GPR160: variants seen among roughly 807,000 people sequenced by gnomAD.
The protein encoded by GPR160 is probable G protein-coupled receptor 160.
GPR160 carries 2 observed loss-of-function variants against 2.6 expected under a neutral mutation model. The ratio of observed to expected loss-of-function variants is 0.77; its 90% confidence interval spans 0.32 to 2.44. GPR160 has a LOEUF of 2.44. Among genes scored for constraint, GPR160 ranks in the 30% most tolerant of loss-of-function variants. GPR160 has a pLI of 0.11. For synonymous variants in GPR160, 130 were observed against 132.2 expected (o/e 0.98, Z 0.12); for missense variants, 351 against 383.6 (o/e 0.91, Z 0.71).
intron 2 of GPR160, among the ~76,000 whole-genome samples, chr3:170,045,212 G>A (rs1006645398): frequency 7.2e-5 from 11 of 151,874 alleles, no homozygotes; most frequent in African/African-American, 2.7e-4. Context: ...CTAGGTGTGT[G>A]TGTAAACGGA....
intron 3 of GPR160, among the ~76,000 whole-genome samples, chr3:170,081,909 GT>G (rs1212177574): frequency 4.6e-5 from 7 of 152,086 alleles, no homozygotes; most frequent in Non-Finnish European, 8.8e-5. Context: ...ATGATCTCTT[GT>G]TTTACGCTGC....
chr3:170,055,899 G>A (rs1468892291), intron 2 of GPR160, among the ~76,000 whole-genome samples: 1 of 152,236 alleles, frequency 6.6e-6, no homozygotes, highest in Non-Finnish European at 1.5e-5. Context: ...CTCCCAAAGT[G>A]CTGGGATTAC....
chr3:170,067,766 G>T (rs1418331885), intron 2 of GPR160, among the ~76,000 whole-genome samples: 2 of 151,922 alleles, frequency 1.3e-5, no homozygotes, highest in African/African-American at 2.4e-5. Context: ...AAAAAAAAAA[G>T]TTATCTGGGA....
At chr3:170,050,249 T>TG (rs1439034503) in intron 2 of GPR160, among the ~76,000 whole-genome samples, 5 of 150,856 alleles carry the variant, frequency 3.3e-5, no homozygotes, top group African/African-American at 1.2e-4. Flanking sequence ...TCTTTTTTTT[T>TG]TTGTTGTTGT....
intron 2 of GPR160, among the ~76,000 whole-genome samples, chr3:170,066,280 A>G (rs1488803195): frequency 2.0e-5 from 3 of 151,260 alleles, no homozygotes; most frequent in Admixed American, 2.0e-4. Context: ...AGCTGGGACT[A>G]CAGGCGCCCA....
At chr3:170,057,020 T>A (rs1711675799) in intron 2 of GPR160, among the ~76,000 whole-genome samples, 1 of 152,198 alleles carries the variant, frequency 6.6e-6, no homozygotes, top group South Asian at 2.1e-4. Flanking sequence ...GAGTGCATAC[T>A]ATGTAAAGAG....
intron 2 of GPR160, among the ~76,000 whole-genome samples, chr3:170,073,955 C>G (rs1319763411): frequency 7.6e-6 from 1 of 131,194 alleles, no homozygotes; most frequent in African/African-American, 2.9e-5. Flanking sequence ...GTGGCACAAT[C>G]TCGGCTCACT....
intron 2 of GPR160, chr3:170,062,753 A>T: frequency 1.0e-6 from 1 of 993,624 alleles, no homozygotes; most frequent in Non-Finnish European, 1.6e-6. Flanking sequence ...ACCCTGTCCC[A>T]AGGAGCTCCA....
At chr3:170,039,559 T>C (rs1016181639) in intron 2 of GPR160, among the ~76,000 whole-genome samples, 3 of 152,056 alleles carry the variant, frequency 2.0e-5, no homozygotes, top group Non-Finnish European at 2.9e-5. Context: ...AATACAAAAA[T>C]TAGCTGGGTG....
At position 170,085,253 on chromosome 3, in the gene GPR160, A is replaced by T. The variant is rs181311970; in HGVS notation, c.*264A>T. The T allele has an allele frequency of 8.5e-3, 2,026 of 239,312 alleles. 42 individuals are homozygous for T. Among genetic ancestry groups the T allele is most frequent in the African/African-American group, 0.042 (1,884 of 44,368 alleles). 14.8% of individuals were successfully genotyped at this position (239,312 alleles called of 1,614,324 possible). A position where few individuals can be genotyped will look rare whatever the true frequency, so the allele number is the denominator to read the frequency against. ...TTTGTTATTAACACAAAAAGTGATA[A>T]GAGTTAACATTTGGCTATACTGATG... is the stretch of plus-strand genomic sequence containing the variant. On this transcript the variant is annotated 3_prime_UTR_variant, in exon 4 of 4. Transcript: ENST00000355897.
In GPR160 at chr3:170,065,833, A is replaced by C. The variant is rs374015101; in HGVS notation, c.-192-13941A>C. Among the ~76,000 whole-genome samples, 28 of 152,318 alleles carry C rather than the reference A, an allele frequency of 1.8e-4. No individual in the cohort carries two copies. In the South Asian group the frequency reaches 5.8e-3, roughly 32 times the overall value. On this transcript the variant is annotated intron_variant, in intron 2 of 3. Transcript: ENST00000355897. ...TACTTAATACAGTCACATGTTTAGCAGAATGTTCATAGTAGGAAAAAAAAT... is the reference window on the plus strand; with the variant it reads ...TACTTAATACAGTCACATGTTTAGCCGAATGTTCATAGTAGGAAAAAAAAT...
At position 170,051,429 on chromosome 3, in the gene GPR160, A is replaced by G. The variant is rs1716953248; in HGVS notation, c.-193+12386A>G. Among the ~76,000 whole-genome samples, 3 of 152,144 alleles carry G rather than the reference A, an allele frequency of 2.0e-5. 1 individual carries two copies. The highest frequency in any genetic ancestry group is 1.3e-4 in the Admixed American group (2 of 15,278). ...ATATCTGGATGCAAATTCTTTATCA[A>G]ATATATGGTTTGGGGCTGGGTGCAG... is the stretch of plus-strand genomic sequence containing the variant. On this transcript the variant is annotated intron_variant, in intron 2 of 3. Coordinates refer to ENST00000355897, the MANE Select transcript of GPR160 (RefSeq NM_014373.3).
At chr3:170,064,514 C>CTTTTTTTTTTTTTTTTTT (rs1175382810) in intron 2 of GPR160, among the ~76,000 whole-genome samples, 1 of 81,038 alleles carries the variant, frequency 1.2e-5, no homozygotes, top group Non-Finnish European at 2.5e-5. Context: ...CTTTTCTTTT[C>CTTTTTTTTTTTTTTTTTT]TTTTTTTTTT....
Position 170,084,446 on chromosome 3 carries a change from A to G in GPR160, c.474A>G (p.Pro158=), listed in dbSNP as rs1713310258. 1 of 1,612,572 alleles carries G rather than the reference A, an allele frequency of 6.2e-7. No individual in the cohort carries two copies. ...TCCTTGCTTATGTTTTGGGAGACCCAGCCATCTACCAAAGCCTGAAGGCAC... is the reference window on the plus strand; with the variant it reads ...TCCTTGCTTATGTTTTGGGAGACCCGGCCATCTACCAAAGCCTGAAGGCAC... ...ISVLAYVLGD[P]AIYQSLKAQN... is the part of the protein sequence containing the mutation. The change falls in exon 4 of 4, where the codon CCA becomes CCG. Residue 158 remains proline, a synonymous_variant. Coordinates refer to ENST00000355897, the MANE Select transcript of GPR160 (RefSeq NM_014373.3).
At chr3:170,077,437 G>A (rs1712911072) in intron 2 of GPR160, 1 of 152,172 alleles carries the variant, frequency 6.6e-6, no homozygotes, top group African/African-American at 2.4e-5. Flanking sequence ...AGAGTGGTGG[G>A]AGAAACTGTT....
At chr3:170,080,295 T>A (rs928039254) in intron 3 of GPR160, among the ~76,000 whole-genome samples, 1 of 152,188 alleles carries the variant, frequency 6.6e-6, no homozygotes. Context: ...TACATAAAAT[T>A]GGTGTCGTCT....
At chr3:170,062,928 G>A (rs756659687) in intron 2 of GPR160, 6 of 336,604 alleles carry the variant, frequency 1.8e-5, no homozygotes, top group East Asian at 1.5e-4. Flanking sequence ...GAAAAGCACC[G>A]GAGCCTCACG....
At chr3:170,073,840 G>T (rs1712717608) in intron 2 of GPR160, among the ~76,000 whole-genome samples, 1 of 144,584 alleles carries the variant, frequency 6.9e-6, no homozygotes, top group South Asian at 2.2e-4. Context: ...TATTTTCTTT[G>T]TGGGTAGGTT....
At chr3:170,068,701 CTCT>C (rs1712457763) in intron 2 of GPR160, among the ~76,000 whole-genome samples, 4 of 152,078 alleles carry the variant, frequency 2.6e-5, no homozygotes, top group Admixed American at 2.6e-4. Flanking sequence ...AAATAGCCTC[CTCT>C]TCTTGTATGG....
Sources: allele counts gnomAD v4.1 joint callset (sites outside exome capture counted in the v4.1 genomes callset), GRCh38; gene constraint gnomAD v4.1.1; transcripts MANE v1.5; gene names NCBI Gene and HGNC (gene_info 2026-07-23, HGNC 2026-07-21).